The following ADAM23 variants were observed in gnomAD, a reference collection of about 807,000 sequenced individuals.
ADAM23 encodes the protein disintegrin and metalloproteinase domain-containing protein 23.
ADAM23 carries 33 observed loss-of-function variants against 120.1 expected under a neutral mutation model. The ratio of observed to expected loss-of-function variants is 0.27; its 90% CI spans 0.21 to 0.37. The LOEUF (loss-of-function observed/expected upper bound fraction) is 0.37. Among genes scored for constraint, ADAM23 ranks in the 10% least tolerant of loss-of-function variants. ADAM23 has a pLI of 1.00. For missense variants in ADAM23, 862 were observed against 1,058.2 expected, an observed-to-expected ratio of 0.81 and a Z score of 2.57; for synonymous variants, 367 against 375.2, an observed-to-expected ratio of 0.98 and a Z score of 0.25.
intron 3 of ADAM23, among the ~76,000 whole-genome samples, chr2:206,516,592 A>T (rs1317294048): frequency 6.6e-6 from 1 of 151,950 alleles, no homozygotes; most frequent in Non-Finnish European, 1.5e-5. Context: ...GGAGAGACAA[A>T]GTTCTTTGGT....
chr2:206,445,550 A>C, intron 2 of ADAM23, 26 bp downstream of exon 2: 2 of 1,574,346 alleles, frequency 1.3e-6, no homozygotes, highest in Non-Finnish European at 1.7e-6. Flanking sequence ...GCTATGCAAA[A>C]GTAACTATCA....
Position 206,594,843 on chromosome 2 carries a change from C to A in ADAM23, c.2185C>A (p.Gln729Lys). The A allele has an allele frequency of 6.2e-7, 1 of 1,614,148 alleles. No homozygotes were observed. The highest frequency in any genetic ancestry group is 1.6e-4 in the Middle Eastern group (1 of 6,062). Reference protein sequence around the residue: ...MCLDRKCLQIQALNMSSCPLD... With the variant: ...MCLDRKCLQIKALNMSSCPLD... ...TTTAGATCGGAAGTGCCTACAAATTCAAGCCCTAAATATGAGCAGCTGTCC... is the reference window on the plus strand; with the variant it reads ...TTTAGATCGGAAGTGCCTACAAATTAAAGCCCTAAATATGAGCAGCTGTCC... Residue 729 changes from glutamine (Q) to lysine (K), a missense_variant, in exon 23 of 26, where the codon CAA becomes AAA. By Grantham distance (53) the Gln-to-Lys change is moderately conservative. Coordinates refer to ENST00000264377, the MANE Select transcript of ADAM23 (RefSeq NM_003812.4).
At chr2:206,481,860 A>G (rs570073443) in intron 3 of ADAM23, among the ~76,000 whole-genome samples, 1 of 152,330 alleles carries the variant, frequency 6.6e-6, no homozygotes, top group East Asian at 1.9e-4. Context: ...CTGTTTCCTA[A>G]GTTCAAATCA....
chr2:206,563,653 A>G, intron 13 of ADAM23, among the ~76,000 whole-genome samples: 1 of 151,854 alleles, frequency 6.6e-6, no homozygotes, highest in East Asian at 1.9e-4. Context: ...GGTGTTACTG[A>G]GTTGCATGAT....
At chr2:206,477,433 G>A (rs961010477) in intron 2 of ADAM23, among the ~76,000 whole-genome samples, 14 of 152,084 alleles carry the variant, frequency 9.2e-5, no homozygotes, top group Non-Finnish European at 1.9e-4. Context: ...AGTCCTTCAG[G>A]GTGGTAATTC....
intron 1 of ADAM23, among the ~76,000 whole-genome samples, chr2:206,444,964 CA>C (rs1188180741): frequency 6.6e-6 from 1 of 151,112 alleles, no homozygotes; most frequent in Non-Finnish European, 1.5e-5. Flanking sequence ...TGAACATGTT[CA>C]TTTAATGACT....
At chr2:206,551,901 CAT>C (rs1391253238) in intron 9 of ADAM23, among the ~76,000 whole-genome samples, 2 of 152,064 alleles carry the variant, frequency 1.3e-5, no homozygotes, top group African/African-American at 4.8e-5. Flanking sequence ...TATCAGAACA[CAT>C]ATAATTTAAG....
At chr2:206,519,331 G>A (rs1034409936) in intron 3 of ADAM23, among the ~76,000 whole-genome samples, 2 of 152,078 alleles carry the variant, frequency 1.3e-5, no homozygotes, top group Non-Finnish European at 2.9e-5. Flanking sequence ...AGGTATCTTA[G>A]CTTGTTATTA....
At chr2:206,485,142 G>C (rs1349783356) in intron 3 of ADAM23, among the ~76,000 whole-genome samples, 1 of 152,204 alleles carries the variant, frequency 6.6e-6, no homozygotes, top group East Asian at 1.9e-4. Context: ...TGCAACCTGA[G>C]TGTGCAAGGC....
intron 10 of ADAM23, 38 bp from the exon 11 acceptor site, chr2:206,559,917 T>A: frequency 6.4e-7 from 1 of 1,573,006 alleles, no homozygotes; most frequent in Non-Finnish European, 8.6e-7. Flanking sequence ...TTTGACCCAG[T>A]GTTTTCCTCC....
chr2:206,523,590 A>T (rs1029055586), intron 3 of ADAM23, among the ~76,000 whole-genome samples: 2 of 152,072 alleles, frequency 1.3e-5, no homozygotes, highest in African/African-American at 4.8e-5. Flanking sequence ...AGCTGAAACA[A>T]CTTTTGGTAT....
chr2:206,589,276 C>A, intron 20 of ADAM23, 133 bp from the exon 21 acceptor site: 1 of 656,862 alleles, frequency 1.5e-6, no homozygotes, highest in Non-Finnish European at 2.4e-6. Flanking sequence ...TGGAAACTTG[C>A]AAATGCTACA....
At chr2:206,444,106 G>A (rs1695024027) in intron 1 of ADAM23, 26 bp downstream of exon 1, 22 of 1,270,260 alleles carry the variant, frequency 1.7e-5, no homozygotes, top group Non-Finnish European at 2.0e-5. Context: ...TGCCCTTTGC[G>A]TTGGCTTTCC....
At chr2:206,456,948 C>T (rs1441028549) in intron 2 of ADAM23, among the ~76,000 whole-genome samples, 1 of 152,142 alleles carries the variant, frequency 6.6e-6, no homozygotes, top group African/African-American at 2.4e-5. Context: ...GTCTGAATCA[C>T]TTAGTCGGGT....
rs141507486 is a variant in ADAM23, at chr2:206,557,447, T to A, written c.954T>A (p.Ser318=). 1.9e-5 allele frequency: 31 copies of A among 1,613,678 alleles called. No individual in the cohort carries two copies. In the African/African-American group the frequency reaches 4.0e-4, roughly 21 times the overall value. ...CCTAGTATAAGAAGCATCGCTCTTC[T>A]CATGCACATACCAACAACTTTGCAA... ...DHKTYKKHRS[S]HAHTNNFAKS... Residue 318 remains serine (S), a synonymous_variant, in exon 10 of 26, where the codon TCT becomes TCA. Coordinates refer to ENST00000264377, the MANE Select transcript of ADAM23 (RefSeq NM_003812.4).
chr2:206,546,645 T>C (rs1011744108), intron 6 of ADAM23, among the ~76,000 whole-genome samples: 2 of 152,166 alleles, frequency 1.3e-5, no homozygotes, highest in South Asian at 2.1e-4. Flanking sequence ...TTCAATGATA[T>C]AGTCCCATAT....
At chr2:206,529,824 T>C (rs564056184) in intron 3 of ADAM23, among the ~76,000 whole-genome samples, 1 of 152,158 alleles carries the variant, frequency 6.6e-6, no homozygotes, top group East Asian at 1.9e-4. Context: ...TATACATTTT[T>C]TTTTTGAGAT....
intron 18 of ADAM23, among the ~76,000 whole-genome samples, chr2:206,580,430 A>T (rs1363072986): frequency 6.6e-6 from 1 of 152,086 alleles, no homozygotes; most frequent in South Asian, 2.1e-4. Context: ...TGATAAAGGG[A>T]TGCTGGATTT....
intron 6 of ADAM23, among the ~76,000 whole-genome samples, chr2:206,545,005 A>G (rs1697366237): frequency 6.6e-6 from 1 of 152,078 alleles, no homozygotes; most frequent in Non-Finnish European, 1.5e-5. Context: ...GGAACCTGAC[A>G]GGGTTGGAGA....
Sources: allele counts gnomAD v4.1 joint callset (sites outside exome capture counted in the v4.1 genomes callset), GRCh38; gene constraint gnomAD v4.1.1; transcripts MANE v1.5; gene names NCBI Gene and HGNC (gene_info 2026-07-23, HGNC 2026-07-21).